PLCB1: variants seen among roughly 807,000 people sequenced by gnomAD.
PLCB1 encodes the protein phospholipase C beta 1.
PLCB1 carries 46 observed loss-of-function variants against 161.8 expected under a neutral mutation model. The observed-to-expected ratio is 0.28, with a 90% confidence interval of 0.22 to 0.36. The LOEUF (loss-of-function observed/expected upper bound fraction) is 0.36, where lower values mean the gene tolerates loss of function less well. PLCB1 is among the 10% of genes least tolerant of loss of function. The probability of loss-of-function intolerance (pLI) is 1.00; values close to 1 mark genes in which losing one functional copy is unlikely to be tolerated. For synonymous variants in PLCB1, 517 were observed against 503.7 expected, an observed-to-expected ratio of 1.03 and a Z score of -0.35; for missense variants, 1,016 against 1,472.5, an observed-to-expected ratio of 0.69 and a Z score of 5.07.
chr20:8,619,814 T>A (rs527820133), intron 3 of PLCB1, among the ~76,000 whole-genome samples: 1 of 152,296 alleles, frequency 6.6e-6, no homozygotes. Context: ...GGTAGTCAAG[T>A]ATACACAAAC....
rs150484059 is a variant in PLCB1, at chr20:8,273,312, A to G, written c.178-98070A>G. 9.8e-5 allele frequency among the ~76,000 whole-genome samples: 15 copies of G among 152,298 alleles called. No individual in the cohort carries two copies. The East Asian group carries it at 2.9e-3, about 29-fold the overall frequency. On this transcript the variant is annotated intron_variant, in intron 2 of 31. Transcript: ENST00000338037. ...TTCATTTCATTAATATTAACCAACA[A>G]TAACTTCCTTTTGGCTCTGATGGAC...
intron 26 of PLCB1, 71 bp from the exon 27 acceptor site, chr20:8,774,468 C>A: frequency 7.2e-7 from 1 of 1,388,890 alleles, no homozygotes; most frequent in Admixed American, 2.1e-5. Flanking sequence ...AGGAGGAATT[C>A]TGGTGAATAA....
At chr20:8,486,112 C>T (rs1001382463) in intron 3 of PLCB1, among the ~76,000 whole-genome samples, 1 of 152,156 alleles carries the variant, frequency 6.6e-6, no homozygotes, top group African/African-American at 2.4e-5. Context: ...ATCATGAGAA[C>T]AGCAGCATGG....
chr20:8,145,689 G>A (rs1018858383), intron 1 of PLCB1, among the ~76,000 whole-genome samples: 5 of 152,176 alleles, frequency 3.3e-5, no homozygotes, highest in Non-Finnish European at 7.3e-5. Context: ...GAGTGTCCCT[G>A]TGAAGGTTTG....
At position 8,469,068 on chromosome 20, in the gene PLCB1, G is replaced by A. The variant is rs766785496; in HGVS notation, c.246+97618G>A. On this transcript the variant is annotated intron_variant, in intron 3 of 31. Transcript: ENST00000338037. ...TTTCCCAGGCGATGCTGACACTACC[G>A]TCCTATGGACCACACTTTGAGTAGC... Among the ~76,000 whole-genome samples, 5 of 152,104 alleles carry A rather than the reference G, an allele frequency of 3.3e-5. 1 individual carries two copies. The highest frequency in any genetic ancestry group is 4.1e-4 in the South Asian group (2 of 4,836).
At chr20:8,634,164 G>A (rs57713119) in intron 4 of PLCB1, among the ~76,000 whole-genome samples, 34,382 of 152,050 alleles carry the variant, frequency 0.23, 4,247 homozygotes, top group Non-Finnish European at 0.28. Flanking sequence ...TCTCAAACTT[G>A]TTGAGCCATT....
intron 2 of PLCB1, among the ~76,000 whole-genome samples, chr20:8,281,399 A>G (rs776603672): frequency 3.3e-5 from 5 of 152,096 alleles, no homozygotes; most frequent in Non-Finnish European, 7.4e-5. Flanking sequence ...TTCTTAACAT[A>G]GATGTCATGG....
chr20:8,171,609 T>C (rs1219440911), intron 2 of PLCB1, among the ~76,000 whole-genome samples: 4 of 152,188 alleles, frequency 2.6e-5, no homozygotes, highest in Non-Finnish European at 4.4e-5. Flanking sequence ...ATAATATTAG[T>C]ACTCCCTTAA....
At chr20:8,858,930 AAATT>A (rs1202086679) in intron 31 of PLCB1, among the ~76,000 whole-genome samples, 4 of 151,642 alleles carry the variant, frequency 2.6e-5, no homozygotes, top group African/African-American at 9.7e-5. Flanking sequence ...AAAAAAAAAA[AAATT>A]AGAGTAGTGG....
intron 2 of PLCB1, among the ~76,000 whole-genome samples, chr20:8,354,124 A>G (rs1195941398): frequency 1.3e-5 from 2 of 152,016 alleles, no homozygotes; most frequent in Non-Finnish European, 2.9e-5. Flanking sequence ...CAGAATTTCT[A>G]TTTGAGAAGA....
intron 2 of PLCB1, among the ~76,000 whole-genome samples, chr20:8,175,148 A>G (rs1335136155): frequency 1.3e-5 from 2 of 152,094 alleles, no homozygotes; most frequent in East Asian, 3.8e-4. Context: ...TTACACTTAA[A>G]AAATTTATAA....
chr20:8,225,478 T>G (rs1010274485), intron 2 of PLCB1, among the ~76,000 whole-genome samples: 1 of 152,228 alleles, frequency 6.6e-6, no homozygotes, highest in Non-Finnish European at 1.5e-5. Context: ...AGGCTTATAG[T>G]ATTTTAGAAT....
intron 2 of PLCB1, among the ~76,000 whole-genome samples, chr20:8,251,433 C>T (rs147739309): frequency 2.6e-5 from 4 of 151,814 alleles, no homozygotes; most frequent in African/African-American, 9.6e-5. Context: ...GTTTGCCAGG[C>T]GGATAAGAGC....
intron 3 of PLCB1, among the ~76,000 whole-genome samples, chr20:8,523,494 CTCT>C (rs1984452222): frequency 4.0e-5 from 2 of 49,592 alleles, no homozygotes; most frequent in Non-Finnish European, 8.7e-5. Context: ...CTCTCTCTCT[CTCT>C]ATATATATAT....
At position 8,385,718 on chromosome 20, in the gene PLCB1, G is replaced by C. The variant is rs532960927; in HGVS notation, c.246+14268G>C. Among the ~76,000 whole-genome samples the C allele has an allele frequency of 1.0e-3, 152 of 152,346 alleles. 1 individual carries two copies. The highest frequency in any genetic ancestry group is 3.2e-3 in the African/African-American group (134 of 41,588). On this transcript the variant is annotated intron_variant, in intron 3 of 31. Transcript: ENST00000338037. ...GGAAAAAGCATGGTTTCCCCGGCTGGGTAGCACGCTCACTCGCTGCCTCCC... is the reference window on the plus strand; with the variant it reads ...GGAAAAAGCATGGTTTCCCCGGCTGCGTAGCACGCTCACTCGCTGCCTCCC...
chr20:8,461,760 T>C (rs1568685254), intron 3 of PLCB1, among the ~76,000 whole-genome samples: 1 of 152,182 alleles, frequency 6.6e-6, no homozygotes, highest in Non-Finnish European at 1.5e-5. Context: ...GCATGTTACT[T>C]TGATTCTTTG....
chr20:8,240,940 T>C lies in PLCB1; in HGVS notation c.177+90569T>C, dbSNP rs191742299. The stretch of plus-strand genomic sequence containing the variant: ...AGTTCTGATTGGTCATTTAAATCAA[T>C]GAGTTGAATACAAACAGAAGTATAA... On this transcript the variant is annotated intron_variant, in intron 2 of 31. Transcript: ENST00000338037. 1.7e-3 allele frequency among the ~76,000 whole-genome samples: 255 copies of C among 152,104 alleles called. 1 individual carries two copies. Among genetic ancestry groups the C allele is most frequent in the Non-Finnish European group, 4.9e-4 (33 of 67,920 alleles).
At chr20:8,760,348 C>T (rs1338831860) in intron 24 of PLCB1, 59 bp from the exon 25 acceptor site, 2 of 1,020,426 alleles carry the variant, frequency 2.0e-6, no homozygotes, top group South Asian at 1.5e-5. Flanking sequence ...TGTTTGTTTA[C>T]AGGAAGAATA....
intron 3 of PLCB1, among the ~76,000 whole-genome samples, chr20:8,603,109 G>A (rs138825716): frequency 2.6e-5 from 4 of 152,146 alleles, no homozygotes; most frequent in Non-Finnish European, 4.4e-5. Flanking sequence ...ATGACAAACA[G>A]GACAAATGCT....
Sources: allele counts gnomAD v4.1 joint callset (sites outside exome capture counted in the v4.1 genomes callset), GRCh38; gene constraint gnomAD v4.1.1; transcripts MANE v1.5; gene names NCBI Gene and HGNC (gene_info 2026-07-23, HGNC 2026-07-21).